The following SIM2 variants were observed in gnomAD, a reference collection of about 807,000 sequenced individuals.
SIM2 encodes single-minded homolog 2.
In SIM2, 28 loss-of-function variants were observed where a neutral mutation model predicts 64.8. The observed-to-expected ratio is 0.43, with a 90% CI of 0.32 to 0.59. The LOEUF is 0.59. Among genes scored for constraint, SIM2 ranks in the 20% least tolerant of loss-of-function variants. The pLI, the probability that SIM2 is intolerant of heterozygous loss-of-function variation, is 0.07. For synonymous variants in SIM2, 408 were observed against 391.1 expected, an observed-to-expected ratio of 1.04 and a Z score of -0.51; for missense variants, 847 against 871.4, an observed-to-expected ratio of 0.97 and a Z score of 0.35.
chr21:36,732,302 GCAGA>G lies in SIM2; in HGVS notation c.850+1155_850+1158del, dbSNP rs367910973. On this transcript the variant is annotated intron_variant, in intron 7 of 10. Transcript: ENST00000290399. ...AGTCGGGGGTGCTTTATAATGGGGT[GCAGA>G]CAGTTAGAGGAGCTGGGTCTTCTGC... is the stretch of plus-strand genomic sequence containing the variant. 2.9e-3 allele frequency among the ~76,000 whole-genome samples: 437 copies of G among 152,368 alleles called. 2 individuals are homozygous for G. Among genetic ancestry groups the G allele is most frequent in the African/African-American group, 9.6e-3 (399 of 41,576 alleles).
chr21:36,709,044 C>T (rs1380860738), intron 1 of SIM2, 124 bp from the exon 2 acceptor site: 3 of 772,694 alleles, frequency 3.9e-6, no homozygotes, highest in Non-Finnish European at 6.1e-6. Context: ...GGGGAGGCGG[C>T]GGGGAGACGC....
intron 4 of SIM2, among the ~76,000 whole-genome samples, chr21:36,720,765 A>T (rs185937464): frequency 6.6e-6 from 1 of 152,330 alleles, no homozygotes; most frequent in Non-Finnish European, 1.5e-5. Flanking sequence ...CTTAAATTTC[A>T]ATTGTGATGA....
rs905449504 is a variant in SIM2 at position 36,747,208 on chromosome 21, T to C, written c.1577-457T>C. Reference sequence around the variant, plus strand: ...AAGAAATCAGAGCAGACGGGGGCCCTCCAACACCAGGGCCCCTGGTGGCCT... The same window carrying C: ...AAGAAATCAGAGCAGACGGGGGCCCCCCAACACCAGGGCCCCTGGTGGCCT... On this transcript the variant is annotated intron_variant, in intron 10 of 10. Coordinates refer to ENST00000290399, the MANE Select transcript of SIM2 (RefSeq NM_005069.6). The surrounding 1 kb of genome is among the most constrained non-coding windows in gnomAD (Gnocchi z 4.5). Among the ~76,000 whole-genome samples the C allele has an allele frequency of 2.6e-5, 4 of 151,900 alleles. No homozygotes were observed. The highest frequency in any genetic ancestry group is 7.3e-5 in the African/African-American group (3 of 41,352).
At chr21:36,705,684 G>C (rs2088570794) in intron 1 of SIM2, among the ~76,000 whole-genome samples, 1 of 152,318 alleles carries the variant, frequency 6.6e-6, no homozygotes, top group Non-Finnish European at 1.5e-5. Context: ...GAGGAGGTGA[G>C]ACCCCTGCAC....
chr21:36,718,912 G>A (rs749813099), intron 3 of SIM2, among the ~76,000 whole-genome samples: 6 of 152,212 alleles, frequency 3.9e-5, no homozygotes, highest in African/African-American at 9.7e-5. Flanking sequence ...GAGAACATTC[G>A]AAAGATTCTC....
intron 9 of SIM2, 87 bp downstream of exon 9, chr21:36,743,642 C>G: frequency 1.8e-5 from 23 of 1,273,548 alleles, no homozygotes; most frequent in Non-Finnish European, 2.4e-5. Flanking sequence ...TGGGGAGCCT[C>G]TCATTGCACA....
intron 1 of SIM2, among the ~76,000 whole-genome samples, chr21:36,704,305 C>T (rs771540168): frequency 6.6e-5 from 10 of 152,232 alleles, no homozygotes; most frequent in Non-Finnish European, 1.3e-4. Context: ...CCCCTCAGGG[C>T]GTCAGAGATG....
At chr21:36,734,519 C>A (rs1011328102) in intron 7 of SIM2, among the ~76,000 whole-genome samples, 2 of 152,024 alleles carry the variant, frequency 1.3e-5, no homozygotes, top group African/African-American at 4.8e-5. Flanking sequence ...AAAGACTGCA[C>A]CCCAGCCAGG....
intron 2 of SIM2, 182 bp downstream of exon 2, chr21:36,709,432 C>A (rs1375832501): frequency 2.8e-6 from 2 of 703,986 alleles, no homozygotes; most frequent in Admixed American, 2.0e-5. Context: ...ATGCGGCCTG[C>A]GGCCAACCCT....
Position 36,745,911 on chromosome 21 carries a change from G to T in SIM2, c.1576+775G>T. Reference sequence around the variant, plus strand: ...GGAAGGTGGGAACAGAGGTTTAGCTGCAGGACATGTATTCCCATTGCACCG... The same window carrying T: ...GGAAGGTGGGAACAGAGGTTTAGCTTCAGGACATGTATTCCCATTGCACCG... On this transcript the variant is annotated intron_variant, in intron 10 of 10. Transcript: ENST00000290399. The surrounding 1 kb of genome is among the most constrained non-coding windows in gnomAD (Gnocchi z 4.8). 7.8e-7 allele frequency: 1 copy of T among 1,286,574 alleles called. No individual in the cohort carries two copies. 79.7% of individuals were successfully genotyped at this position (1,286,574 alleles called of 1,614,324 possible).
intron 7 of SIM2, among the ~76,000 whole-genome samples, chr21:36,740,212 T>C (rs2089143977): frequency 6.6e-6 from 1 of 151,968 alleles, no homozygotes. Flanking sequence ...TCCAGAACGT[T>C]TTCATCATCC....
chr21:36,747,255 A>G lies in SIM2; in HGVS notation c.1577-410A>G, dbSNP rs1020608618. On this transcript the variant is annotated intron_variant, in intron 10 of 10. Transcript: ENST00000290399. The surrounding 1 kb of genome is among the most constrained non-coding windows in gnomAD (Gnocchi z 4.5). ...GCCTCTAGACCTCTGCCGTCCAATCAGGTAGCCACCAACCCCGTGTGGTCT... is the reference window on the plus strand; with the variant it reads ...GCCTCTAGACCTCTGCCGTCCAATCGGGTAGCCACCAACCCCGTGTGGTCT... 1.3e-5 allele frequency among the ~76,000 whole-genome samples: 2 copies of G among 152,012 alleles called. No homozygotes were observed. The highest frequency in any genetic ancestry group is 4.8e-5 in the African/African-American group (2 of 41,394).
chr21:36,744,567 G>A (rs1427796974), intron 9 of SIM2, among the ~76,000 whole-genome samples, 161 bp from the exon 10 acceptor site: 1 of 152,148 alleles, frequency 6.6e-6, no homozygotes, highest in Non-Finnish European at 1.5e-5. Context: ...CTGGGGTATC[G>A]CTCGCTGTGT....
At chr21:36,713,814 G>C (rs2088708977) in intron 3 of SIM2, among the ~76,000 whole-genome samples, 1 of 152,168 alleles carries the variant, frequency 6.6e-6, no homozygotes. Flanking sequence ...AGATCCACAT[G>C]GGTTTATGTA....
rs2089288514 is a variant in SIM2, at chr21:36,749,174, G to A, written c.*1082G>A. On this transcript the variant is annotated 3_prime_UTR_variant, in exon 11 of 11. Coordinates refer to ENST00000290399, the MANE Select transcript of SIM2 (RefSeq NM_005069.6). Reference sequence around the variant, plus strand: ...AGCACCAGCAGTGTTTAAAAAATGAGCTTCCATTAATTTTTACTTTTTATG... The same window carrying A: ...AGCACCAGCAGTGTTTAAAAAATGAACTTCCATTAATTTTTACTTTTTATG... The A allele has an allele frequency of 6.6e-6, 1 of 152,618 alleles. No homozygotes were observed. The highest frequency in any genetic ancestry group is 2.1e-4 in the South Asian group (1 of 4,828). 9.5% of individuals were successfully genotyped at this position (152,618 alleles called of 1,614,324 possible). A position where few individuals can be genotyped will look rare whatever the true frequency, so the allele number is the denominator to read the frequency against.
chr21:36,707,889 G>T (rs988433868), intron 1 of SIM2, among the ~76,000 whole-genome samples: 3 of 151,740 alleles, frequency 2.0e-5, no homozygotes, highest in Non-Finnish European at 4.4e-5. Flanking sequence ...CTGCCCGGGG[G>T]CTCCTGCCTT....
intron 3 of SIM2, among the ~76,000 whole-genome samples, chr21:36,717,565 G>A (rs1442435546): frequency 2.7e-4 from 41 of 150,854 alleles, no homozygotes; most frequent in Non-Finnish European, 5.9e-5. Flanking sequence ...CTCCTGCCTC[G>A]GCTTCCCTTG....
At position 36,748,133 on chromosome 21, in the gene SIM2, C is replaced by A; in HGVS notation, c.*41C>A. ...CGCCAGGAGCCTGGACCCGGCCTCC[C>A]GGGGCTGCGGCGCCACCGAGCCCGG... On this transcript the variant is annotated 3_prime_UTR_variant, in exon 11 of 11. Coordinates refer to ENST00000290399, the MANE Select transcript of SIM2 (RefSeq NM_005069.6). 2 of 1,119,626 alleles carry A rather than the reference C, an allele frequency of 1.8e-6. No homozygotes were observed. The highest frequency in any genetic ancestry group is 2.2e-6 in the Non-Finnish European group (2 of 904,384). 69.4% of individuals were successfully genotyped at this position (1,119,626 alleles called of 1,614,324 possible).
At chr21:36,714,387 G>A (rs1395902502) in intron 3 of SIM2, among the ~76,000 whole-genome samples, 2 of 152,074 alleles carry the variant, frequency 1.3e-5, no homozygotes, top group African/African-American at 4.8e-5. Flanking sequence ...AGCAGTCAAA[G>A]CAAAAAGGGA....
Sources: gnomAD v4.1 joint callset for allele counts (sites outside exome capture counted in the v4.1 genomes callset) on GRCh38, gnomAD v4.1.1 for gene constraint, Gnocchi (gnomAD v3.1) non-coding constraint, MANE v1.5 for transcripts, NCBI Gene and HGNC (gene_info 2026-07-23, HGNC 2026-07-21) for gene names.